Variants in KIF20B observed in about 807,000 individuals in gnomAD.
KIF20B encodes kinesin-like protein KIF20B.
A neutral mutation model predicts 232.5 loss-of-function variants in KIF20B; 188 were observed. The observed-to-expected ratio is 0.81, with a 90% confidence interval of 0.72 to 0.91. The LOEUF is 0.91. Among genes scored for constraint, KIF20B ranks in the 40% least tolerant of loss-of-function variants. The pLI is 0.00. For missense variants in KIF20B, 2,154 were observed against 2,055.9 expected (o/e 1.05, Z -0.92); for synonymous variants, 712 against 683.0 (o/e 1.04, Z -0.66).
chr10:89,714,956 A>T lies in KIF20B; in HGVS notation c.714A>T (p.Gly238=), dbSNP rs891109994. Residue 238 remains glycine (G), a splice_region_variant and synonymous_variant, in exon 8 of 33, where the codon GGA becomes GGT. Transcript: ENST00000371728. ...TTTTTCTTTTTCTTTTTTTTGTAGG[A>T]AGTTTAACTAACTCTTTGAATATCT... ...VHNDSDDTLY[G]SLTNSLNISE... 5.3e-6 allele frequency: 8 copies of T among 1,508,566 alleles called. No homozygotes were observed. The highest frequency in any genetic ancestry group is 2.3e-5 in the East Asian group (1 of 43,466). The allele number at this position is 1,508,566 out of a possible 1,614,324, so 93.4% of individuals were successfully genotyped here. A position where few individuals can be genotyped will look rare whatever the true frequency, so the allele number is the denominator to read the frequency against.
chr10:89,768,477 TA>T, intron 30 of KIF20B, 86 bp downstream of exon 30: 2 of 853,042 alleles, frequency 2.3e-6, no homozygotes, highest in Non-Finnish European at 3.7e-6. Flanking sequence ...TTCTCTTTCC[TA>T]TACATCTGAT....
rs1293387466 is a variant in KIF20B at position 89,774,144 on chromosome 10, A to G, written c.*96A>G. On this transcript the variant is annotated 3_prime_UTR_variant, in exon 33 of 33. Transcript: ENST00000371728. ...TATAAATGTATATATTATGCATTAA[A>G]TCACTCTGCATATAGATTGCTGTTT... 4.8e-6 allele frequency: 3 copies of G among 619,204 alleles called. No homozygotes were observed. Among genetic ancestry groups the G allele is most frequent in the Non-Finnish European group, 8.1e-6 (3 of 372,546 alleles). The allele number at this position is 619,204 out of a possible 1,614,324, so 38.4% of individuals were successfully genotyped here.
rs144738424 is a variant in KIF20B, at chr10:89,732,997, C to G, written c.2486C>G (p.Ser829Ter). Residue 829 changes from serine (S) to a stop codon, truncating the protein, a stop_gained, in exon 19 of 33, where the codon TCA becomes TGA. Coordinates refer to ENST00000371728, the MANE Select transcript of KIF20B (RefSeq NM_001284259.2). LOFTEE classifies it high-confidence loss of function. ...VPKDSKSKIC[S>*]ERKRVNENEL... Reference sequence around the variant, plus strand: ...AAGGACAGCAAATCTAAAATCTGTTCAGAAAGAAAAAGAGTAAATGAAAAT... The same window carrying G: ...AAGGACAGCAAATCTAAAATCTGTTGAGAAAGAAAAAGAGTAAATGAAAAT... 5 of 1,613,346 alleles carry G rather than the reference C, an allele frequency of 3.1e-6. No homozygotes were observed. In the African/African-American group the frequency reaches 6.7e-5, roughly 22 times the overall value.
In KIF20B at chr10:89,754,498, T is replaced by C; in HGVS notation, c.4348-20T>C. 6.7e-7 allele frequency: 1 copy of C among 1,501,010 alleles called. No homozygotes were observed. Among genetic ancestry groups the C allele is most frequent in the Non-Finnish European group, 8.9e-7 (1 of 1,118,364 alleles). The allele number at this position is 1,501,010 out of a possible 1,614,324, so 93.0% of individuals were successfully genotyped here. A position where few individuals can be genotyped will look rare whatever the true frequency, so the allele number is the denominator to read the frequency against. ...ACTTTGTAGGCATGCGATAATAACT[T>C]ATACCATTTATATATACAGGAGTCT... On this transcript the variant is annotated intron_variant, in intron 25 of 32. Transcript: ENST00000371728.
intron 23 of KIF20B, among the ~76,000 whole-genome samples, chr10:89,749,077 T>C (rs1213100358): frequency 6.6e-6 from 1 of 152,224 alleles, no homozygotes; most frequent in Non-Finnish European, 1.5e-5. Context: ...GAAACTCTCT[T>C]GTCTCAGCTT....
intron 13 of KIF20B, among the ~76,000 whole-genome samples, chr10:89,721,373 C>T (rs533718353): frequency 2.0e-5 from 3 of 152,100 alleles, no homozygotes; most frequent in Non-Finnish European, 4.4e-5. Flanking sequence ...ACGAAAGGAG[C>T]CTTTAATAGT....
intron 18 of KIF20B, among the ~76,000 whole-genome samples, chr10:89,730,772 A>T (rs1843301203): frequency 6.6e-6 from 1 of 152,184 alleles, no homozygotes; most frequent in Admixed American, 6.5e-5. Flanking sequence ...AAAGACCTTG[A>T]ATACTGCATT....
intron 22 of KIF20B, among the ~76,000 whole-genome samples, chr10:89,745,658 G>A (rs542613096): frequency 1.3e-5 from 2 of 151,580 alleles, no homozygotes; most frequent in Admixed American, 6.6e-5. Context: ...ACAGTGGTGC[G>A]ATCTTGGCTC....
intron 28 of KIF20B, among the ~76,000 whole-genome samples, chr10:89,760,867 A>C (rs555302184): frequency 1.3e-5 from 2 of 152,318 alleles, no homozygotes; most frequent in African/African-American, 4.8e-5. Flanking sequence ...AATAGAAACA[A>C]ACTTGATGGT....
rs1841691704 is a variant in KIF20B, at chr10:89,737,796, G to A, written c.2955G>A (p.Met985Ile). The A allele has an allele frequency of 6.2e-7, 1 of 1,612,800 alleles. No homozygotes were observed. The highest frequency in any genetic ancestry group is 1.3e-5 in the African/African-American group (1 of 74,986). ...ITNNVSQIKL[M>I]HTKIDELRTL... is the part of the protein sequence containing the mutation. ...ATAATGTTTCACAAATAAAATTAATGCACACGAAAATAGACGAACTACGTA... is the reference window on the plus strand; with the variant it reads ...ATAATGTTTCACAAATAAAATTAATACACACGAAAATAGACGAACTACGTA... Residue 985 changes from methionine (M) to isoleucine (I), a missense_variant, in exon 20 of 33, where the codon ATG becomes ATA. Transcript: ENST00000371728.
chr10:89,713,356 CT>C (rs1842871218), intron 6 of KIF20B, among the ~76,000 whole-genome samples: 1 of 123,334 alleles, frequency 8.1e-6, no homozygotes. Context: ...GCAAGACTCT[CT>C]CAAAAAAAAA....
intron 31 of KIF20B, among the ~76,000 whole-genome samples, chr10:89,769,147 A>G (rs554431076): frequency 6.6e-6 from 1 of 152,098 alleles, no homozygotes; most frequent in South Asian, 2.1e-4. Context: ...GTATAAGCAA[A>G]GGTATGATAG....
chr10:89,762,010 T>C (rs1365783393), intron 28 of KIF20B, among the ~76,000 whole-genome samples: 1 of 152,168 alleles, frequency 6.6e-6, no homozygotes, highest in Non-Finnish European at 1.5e-5. Context: ...GGTAGTTGAT[T>C]CTGGGAATTC....
chr10:89,763,857 T>TTTA (rs1183118414), intron 29 of KIF20B, among the ~76,000 whole-genome samples: 1 of 147,974 alleles, frequency 6.8e-6, no homozygotes, highest in African/African-American at 2.4e-5. Flanking sequence ...ACTATTAATA[T>TTTA]TTATTAATAG....
rs200805454 is a variant in KIF20B, at chr10:89,710,004, A to G, written c.429A>G (p.Gly143=). 33 of 1,612,796 alleles carry G rather than the reference A, an allele frequency of 2.0e-5. No homozygotes were observed. The highest frequency in any genetic ancestry group is 4.4e-5 in the South Asian group (4 of 90,782). Residue 143 remains glycine (G), a synonymous_variant, in exon 5 of 33, where the codon GGA becomes GGG. Transcript: ENST00000371728. ...IMQPVKDLLK[G]QSRLIFTYGL... is the part of the protein sequence containing the mutation. Reference sequence around the variant, plus strand: ...AACCAGTAAAAGACCTCTTGAAAGGACAGAGTCGTCTGATTTTTACTTACG... The same window carrying G: ...AACCAGTAAAAGACCTCTTGAAAGGGCAGAGTCGTCTGATTTTTACTTACG...
In KIF20B at chr10:89,751,360, G is replaced by A; in HGVS notation, c.4111G>A (p.Glu1371Lys). 1 of 1,603,628 alleles carries A rather than the reference G, an allele frequency of 6.2e-7. No individual in the cohort carries two copies. The highest frequency in any genetic ancestry group is 8.5e-7 in the Non-Finnish European group (1 of 1,175,620). ...CCGATTTTTAGATCTAAATGTTAAA[G>A]AGAAAATAATTGAAGACATGCGAAT... The part of the protein sequence containing the change: ...ERACKDLNVK[E>K]KIIEDMRMTL... Residue 1371 changes from glutamate to lysine, a missense_variant, in exon 24 of 33, where the codon GAG becomes AAG. Transcript: ENST00000371728.
intron 29 of KIF20B, among the ~76,000 whole-genome samples, chr10:89,767,443 T>C (rs1473004223): frequency 6.6e-6 from 1 of 151,818 alleles, no homozygotes; most frequent in African/African-American, 2.4e-5. Flanking sequence ...TGGCATCCTA[T>C]GATTACCATC....
chr10:89,764,955 A>G (rs533146103), intron 29 of KIF20B, among the ~76,000 whole-genome samples: 1 of 151,462 alleles, frequency 6.6e-6, no homozygotes, highest in East Asian at 1.9e-4. Flanking sequence ...GGTGTTTTAG[A>G]CATGAAGTCC....
chr10:89,704,993 C>T (rs537072238), intron 1 of KIF20B, among the ~76,000 whole-genome samples: 21 of 152,288 alleles, frequency 1.4e-4, no homozygotes, highest in Middle Eastern at 3.4e-3. Flanking sequence ...GAGGATTTCA[C>T]GGAGAGAGTA....
Sources: gnomAD v4.1 joint callset for allele counts (sites outside exome capture counted in the v4.1 genomes callset) on GRCh38, gnomAD v4.1.1 for gene constraint, MANE v1.5 for transcripts, NCBI Gene and HGNC (gene_info 2026-07-23, HGNC 2026-07-21) for gene names.